Variants in VPS52 observed in about 807,000 individuals in gnomAD.
VPS52 encodes vacuolar protein sorting-associated protein 52 homolog.
VPS52 carries 56 observed loss-of-function variants against 98.7 expected under a neutral mutation model. The observed-to-expected ratio is 0.57, with a 90% CI of 0.46 to 0.71. The LOEUF (loss-of-function observed/expected upper bound fraction) is 0.71, where lower values mean the gene tolerates loss of function less well. Ranked by LOEUF, VPS52 falls within the 30% of genes least tolerant of loss-of-function variation. The probability of loss-of-function intolerance (pLI) is 0.00; values close to 1 mark genes in which losing one functional copy is unlikely to be tolerated. For missense variants in VPS52, 742 were observed against 925.9 expected (o/e 0.80, Z 2.58); for synonymous variants, 348 against 346.4 (o/e 1.00, Z -0.05).
intron 17 of VPS52, among the ~76,000 whole-genome samples, chr6:33,258,680 G>T (rs1205146345): frequency 1.3e-5 from 2 of 152,188 alleles, no homozygotes; most frequent in East Asian, 3.9e-4. Flanking sequence ...CGCCTCCCAG[G>T]TTCAGCGCCC....
At chr6:33,266,032 T>G (rs972272888) in intron 12 of VPS52, among the ~76,000 whole-genome samples, 6 of 151,848 alleles carry the variant, frequency 4.0e-5, no homozygotes, top group Non-Finnish European at 5.9e-5. Flanking sequence ...TGGCTAATTT[T>G]TGTACTGTTA....
chr6:33,270,402 C>T, intron 1 of VPS52, 119 bp from the exon 2 acceptor site: 1 of 925,876 alleles, frequency 1.1e-6, no homozygotes, highest in Non-Finnish European at 1.6e-6. Flanking sequence ...GCCACAGGTA[C>T]TGCTTTGAAA....
Position 33,263,773 on chromosome 6 carries a change from A to G in VPS52, c.1727T>C (p.Met576Thr). The change falls in exon 16 of 20, where the codon ATG becomes ACG. Residue 576 changes from methionine to threonine, a missense_variant and splice_region_variant. Around this residue, in one of 2 missense-constraint regions of VPS52, gnomAD observed 590 missense variants for 793.3 expected, o/e 0.74. Transcript: ENST00000445902. ...GCAAGGAGAAGGAGCACCTATTACC[A>G]TCAGCACACCCAGCATCATGTCATA... is the stretch of plus-strand genomic sequence containing the variant. ...NNYDMMLGVL[M>T]ERAADDSKEV... 6.2e-7 allele frequency: 1 copy of G among 1,614,224 alleles called. No homozygotes were observed. The highest frequency in any genetic ancestry group is 1.3e-5 in the African/African-American group (1 of 75,060).
Position 33,268,535 on chromosome 6 carries a change from T to G in VPS52, c.663A>C (p.Ala221=). 6.2e-7 allele frequency: 1 copy of G among 1,612,378 alleles called. No individual in the cohort carries two copies. The highest frequency in any genetic ancestry group is 8.5e-7 in the Non-Finnish European group (1 of 1,179,640). ...GCCGATCGAGCACGCCTCTGACATCTGCGCAGGCTGCTGTGCCTCTAGCTT... is the reference window on the plus strand; with the variant it reads ...GCCGATCGAGCACGCCTCTGACATCGGCGCAGGCTGCTGTGCCTCTAGCTT... ...EQEARGTAAC[A]DVRGVLDRLR... The change falls in exon 7 of 20, where the codon GCA becomes GCC. Residue 221 remains alanine, a synonymous_variant. Coordinates refer to ENST00000445902, the MANE Select transcript of VPS52 (RefSeq NM_022553.6). The surrounding 1 kb of genome is among the most constrained non-coding windows in gnomAD (Gnocchi z 4.0).
Position 33,269,000 on chromosome 6 carries a change from A to G in VPS52, c.548+14T>C. The stretch of plus-strand genomic sequence containing the variant: ...CTGCTATGGACATTATAACCCTTCA[A>G]ACTGGTAACTCACGTGACCAGAGCA... On this transcript the variant is annotated intron_variant, in intron 6 of 19. Transcript: ENST00000445902. This position sits in a 1 kb window ranked among gnomAD's most constrained non-coding sequence, Gnocchi z 4.0. The G allele has an allele frequency of 6.2e-7, 1 of 1,611,484 alleles. No individual in the cohort carries two copies. The highest frequency in any genetic ancestry group is 8.5e-7 in the Non-Finnish European group (1 of 1,179,802).
At chr6:33,256,873 AAAG>A (rs1295607980) in intron 17 of VPS52, among the ~76,000 whole-genome samples, 4 of 147,420 alleles carry the variant, frequency 2.7e-5, no homozygotes, top group African/African-American at 1.1e-4. Flanking sequence ...AAAAAAAAGA[AAAG>A]AAAAAGATTT....
chr6:33,261,566 A>T (rs1478483218), intron 17 of VPS52, among the ~76,000 whole-genome samples: 1 of 152,166 alleles, frequency 6.6e-6, no homozygotes, highest in African/African-American at 2.4e-5. Flanking sequence ...CTCTCGCCAC[A>T]TATGAAAACC....
chr6:33,260,039 C>G (rs574421822), intron 17 of VPS52, among the ~76,000 whole-genome samples: 3 of 152,184 alleles, frequency 2.0e-5, no homozygotes, highest in Admixed American at 6.5e-5. Context: ...CTCACAGAAG[C>G]AAGAAACTGG....
chr6:33,258,733 A>G (rs572841573), intron 17 of VPS52, among the ~76,000 whole-genome samples: 8 of 152,058 alleles, frequency 5.3e-5, no homozygotes, highest in African/African-American at 9.7e-5. Flanking sequence ...ATGCCTGGTT[A>G]ATTTTTGTAC....
In VPS52 at chr6:33,264,504, G is replaced by A. The variant is rs760678897; in HGVS notation, c.1401-7C>T. On this transcript the variant is annotated splice_polypyrimidine_tract_variant and splice_region_variant and intron_variant, in intron 13 of 19. Transcript: ENST00000445902. ...AAGCACCTGTTCCCAGTACCTGTGG[G>A]CTTAATCAGAATCAGAGGTCAGCCA... is the stretch of plus-strand genomic sequence containing the variant. 3 of 1,613,942 alleles carry A rather than the reference G, an allele frequency of 1.9e-6. No individual in the cohort carries two copies. The highest frequency in any genetic ancestry group is 2.5e-6 in the Non-Finnish European group (3 of 1,179,956).
Position 33,267,306 on chromosome 6 carries a change from G to A in VPS52, c.1007C>T (p.Pro336Leu). 6.3e-7 allele frequency: 1 copy of A among 1,591,870 alleles called. No homozygotes were observed. The highest frequency in any genetic ancestry group is 8.6e-7 in the Non-Finnish European group (1 of 1,169,526). The change falls in exon 11 of 20, where the codon CCA (proline) becomes CTA (leucine). Residue 336 changes from proline (P) to leucine (L), a missense_variant. Transcript: ENST00000445902. The surrounding 1 kb of genome is among the most constrained non-coding windows in gnomAD (Gnocchi z 4.2). ...DTAKKGFFSK[P>L]SLRSRNTIFT... ...AATGGTGTTCCTGCTGCGGAGCGATGGCTTTGAGAAGAATCGTAAGATGGG... is the reference window on the plus strand; with the variant it reads ...AATGGTGTTCCTGCTGCGGAGCGATAGCTTTGAGAAGAATCGTAAGATGGG...
chr6:33,251,087 T>C, intron 19 of VPS52, 100 bp from the exon 20 acceptor site: 1 of 1,541,518 alleles, frequency 6.5e-7, no homozygotes, highest in South Asian at 1.1e-5. Flanking sequence ...CTCACACTTG[T>C]AATCCCAGCA....
In VPS52 at chr6:33,267,472, C is replaced by T. The variant is rs1764476579; in HGVS notation, c.992-151G>A. On this transcript the variant is annotated intron_variant, in intron 10 of 19. Coordinates refer to ENST00000445902, the MANE Select transcript of VPS52 (RefSeq NM_022553.6). This position sits in a 1 kb window ranked among gnomAD's most constrained non-coding sequence, Gnocchi z 4.2. Reference sequence around the variant, plus strand: ...CGTGCTGACATCTGTGAATGGGCTTCAGGGTGTCTCTCCCTCCCTTGCAAT... The same window carrying T: ...CGTGCTGACATCTGTGAATGGGCTTTAGGGTGTCTCTCCCTCCCTTGCAAT... 1 of 1,302,612 alleles carries T rather than the reference C, an allele frequency of 7.7e-7. No individual in the cohort carries two copies. The highest frequency in any genetic ancestry group is 1.5e-5 in the African/African-American group (1 of 67,376). 80.7% of individuals were successfully genotyped at this position (1,302,612 alleles called of 1,614,324 possible).
At chr6:33,255,245 C>T (rs1422806659) in intron 17 of VPS52, among the ~76,000 whole-genome samples, 1 of 152,066 alleles carries the variant, frequency 6.6e-6, no homozygotes, top group Non-Finnish European at 1.5e-5. Context: ...AACAATCTTT[C>T]CTACGTAGTA....
At chr6:33,262,184 C>T (rs1229988614) in intron 17 of VPS52, among the ~76,000 whole-genome samples, 2 of 151,682 alleles carry the variant, frequency 1.3e-5, no homozygotes, top group African/African-American at 4.8e-5. Flanking sequence ...ACATGACAGT[C>T]TAATAATCCT....
At chr6:33,253,492 CAA>C (rs9280381) in intron 17 of VPS52, among the ~76,000 whole-genome samples, 140 of 80,340 alleles carry the variant, frequency 1.7e-3, no homozygotes, top group Admixed American at 2.1e-3. Flanking sequence ...AACTGTGTCT[CAA>C]AAAAAAAAAA....
chr6:33,269,913 C>T, intron 3 of VPS52, 86 bp downstream of exon 3: 1 of 1,601,392 alleles, frequency 6.2e-7, no homozygotes, highest in Non-Finnish European at 8.6e-7. Context: ...AGATACCAGG[C>T]TGATACAACA....
chr6:33,263,772 C>T lies in VPS52; in HGVS notation c.1728G>A (p.Met576Ile). 1 of 1,614,218 alleles carries T rather than the reference C, an allele frequency of 6.2e-7. No individual in the cohort carries two copies. Among genetic ancestry groups the T allele is most frequent in the Non-Finnish European group, 8.5e-7 (1 of 1,180,040 alleles). ...NNYDMMLGVL[M>I]ERAADDSKEV... The stretch of plus-strand genomic sequence containing the variant: ...GGCAAGGAGAAGGAGCACCTATTAC[C>T]ATCAGCACACCCAGCATCATGTCAT... The change falls in exon 16 of 20, where the codon ATG becomes ATA. Residue 576 changes from methionine (M) to isoleucine (I), a missense_variant and splice_region_variant. Coordinates refer to ENST00000445902, the MANE Select transcript of VPS52 (RefSeq NM_022553.6).
At chr6:33,270,377 C>T in intron 1 of VPS52, 94 bp from the exon 2 acceptor site, 2 of 1,157,798 alleles carry the variant, frequency 1.7e-6, no homozygotes, top group Non-Finnish European at 2.5e-6. Flanking sequence ...TGAGAAGGAG[C>T]TGCTTTTACT....
Sources: gnomAD v4.1 joint callset for allele counts (sites outside exome capture counted in the v4.1 genomes callset) on GRCh38, gnomAD v4.1.1 for gene constraint, gnomAD v4.1.1 regional missense constraint, Gnocchi (gnomAD v3.1) non-coding constraint, MANE v1.5 for transcripts, NCBI Gene and HGNC (gene_info 2026-07-23, HGNC 2026-07-21) for gene names.